Variants in IFI35 observed in about 807,000 individuals in gnomAD.
IFI35 encodes the protein interferon-induced 35 kDa protein.
A neutral mutation model predicts 28.6 loss-of-function variants in IFI35; 30 were observed. The ratio of observed to expected loss-of-function variants is 1.05; its 90% CI spans 0.79 to 1.43. The LOEUF (loss-of-function observed/expected upper bound fraction) is 1.43. IFI35 is among the 40% of genes most tolerant of loss of function. IFI35 has a pLI of 0.00. For synonymous variants in IFI35, 146 were observed against 154.8 expected, an observed-to-expected ratio of 0.94 and a Z score of 0.42; for missense variants, 372 against 356.9, an observed-to-expected ratio of 1.04 and a Z score of -0.34.
chr17:43,011,043 G>A (rs995042108), intron 1 of IFI35, among the ~76,000 whole-genome samples: 1 of 152,196 alleles, frequency 6.6e-6, no homozygotes, highest in Non-Finnish European at 1.5e-5. Context: ...TTGGTGTACA[G>A]TGGAAAGTGT....
In IFI35 at chr17:43,013,550, G is replaced by C. The variant is rs968901082; in HGVS notation, c.450G>C (p.Glu150Asp). The C allele has an allele frequency of 1.9e-6, 3 of 1,614,184 alleles. No individual in the cohort carries two copies. Among genetic ancestry groups the C allele is most frequent in the Non-Finnish European group, 1.7e-6 (2 of 1,180,020 alleles). ...FPASLRLSEE[E>D]LLDKLEIFFG... ...CCAGCCTCAGGCTGAGTGAGGAGGA[G>C]CTGCTGGACAAGCTAGAGATCTTCT... The change falls in exon 5 of 7, where the codon GAG (glutamate) becomes GAC (aspartate). Residue 150 changes from glutamate to aspartate, a missense_variant. Glu to Asp is a conservative substitution (Grantham distance 45). Transcript: ENST00000415816.
At chr17:43,007,847 T>TTATATA (rs68028192) in intron 1 of IFI35, among the ~76,000 whole-genome samples, 1,927 of 118,990 alleles carry the variant, frequency 0.016, 101 homozygotes, top group African/African-American at 0.06. Context: ...CACACAAAAT[T>TTATATA]TATATATATA....
intron 1 of IFI35, among the ~76,000 whole-genome samples, chr17:43,011,127 G>A (rs1273159055): frequency 6.6e-6 from 1 of 152,178 alleles, no homozygotes; most frequent in Non-Finnish European, 1.5e-5. Flanking sequence ...TCACTGTAAA[G>A]CACAGGTTAG....
chr17:43,013,756 C>A lies in IFI35; in HGVS notation c.563-20C>A. 6.2e-7 allele frequency: 1 copy of A among 1,610,196 alleles called. No homozygotes were observed. The highest frequency in any genetic ancestry group is 1.1e-5 in the South Asian group (1 of 91,026). ...GAGAGGGCTTGATGCTAAAGGCCCA[C>A]CCCTCCTTGCTCCCCACAGTGGCTC... On this transcript the variant is annotated intron_variant, in intron 5 of 6. Transcript: ENST00000415816.
In IFI35 at chr17:43,012,161, T is replaced by C. The variant is rs1284507335; in HGVS notation, c.22-18T>C. ...GAAGGGCGGGTAGAAGTCTTGTTGTTTCCTTCTGCCCCAACAGGCCCTCCA... is the reference window on the plus strand; with the variant it reads ...GAAGGGCGGGTAGAAGTCTTGTTGTCTCCTTCTGCCCCAACAGGCCCTCCA... On this transcript the variant is annotated intron_variant, in intron 1 of 6. Transcript: ENST00000415816. 2.0e-6 allele frequency: 3 copies of C among 1,529,824 alleles called. No individual in the cohort carries two copies. The allele number at this position is 1,529,824 out of a possible 1,614,324, so 94.8% of individuals were successfully genotyped here. A position where few individuals can be genotyped will look rare whatever the true frequency, so the allele number is the denominator to read the frequency against.
intron 1 of IFI35, among the ~76,000 whole-genome samples, chr17:43,010,354 T>C (rs570824621): frequency 4.8e-4 from 73 of 151,394 alleles, no homozygotes; most frequent in Non-Finnish European, 9.6e-4. Flanking sequence ...AATGGAGCAA[T>C]TGCACTCCAG....
chr17:43,007,872 T>TATATATATATATATATATATAC lies in IFI35; in HGVS notation c.21+905_21+906insTATATATATATATATATATACA, dbSNP rs1491453151. Among the ~76,000 whole-genome samples the TATATATATATATATATATATAC allele has an allele frequency of 1.2e-3, 166 of 136,492 alleles. 3 individuals carry two copies. The highest frequency in any genetic ancestry group is 4.2e-3 in the African/African-American group (156 of 36,706). 89.5% of individuals were successfully genotyped at this position (136,492 alleles called of 152,430 possible). On this transcript the variant is annotated intron_variant, in intron 1 of 6. Coordinates refer to ENST00000415816, the MANE Select transcript of IFI35 (RefSeq NM_001330230.2). ...TTATATATATATATATATATATATA[T>TATATATATATATATATATATAC]ACTATAAGAATTATACTTTAAGAAT...
chr17:43,006,940 C>G lies in IFI35; in HGVS notation c.-8C>G, dbSNP rs568180576. ...AGCCTCAGCTCTTGCCAAACAGACC[C>G]GAGACCCATGTCAGCCCCACTGGAT... On this transcript the variant is annotated 5_prime_UTR_variant, in exon 1 of 7. Coordinates refer to ENST00000415816, the MANE Select transcript of IFI35 (RefSeq NM_001330230.2). 3 of 1,614,012 alleles carry G rather than the reference C, an allele frequency of 1.9e-6. No homozygotes were observed. Among genetic ancestry groups the G allele is most frequent in the South Asian group, 1.1e-5 (1 of 91,074 alleles).
In IFI35 at chr17:43,013,194, G is replaced by A; in HGVS notation, c.268G>A (p.Val90Met). Residue 90 changes from valine to methionine, a missense_variant and splice_region_variant, in exon 3 of 7, where the codon GTG becomes ATG. Coordinates refer to ENST00000415816, the MANE Select transcript of IFI35 (RefSeq NM_001330230.2). ...SALITFDDPK[V>M]AEQVLQQKEH... ...TCTGATCACCTTTGATGACCCCAAA[G>A]GTAAGCTCATGGGGAGCCTCAGGAG... is the stretch of plus-strand genomic sequence containing the variant. The A allele has an allele frequency of 6.2e-7, 1 of 1,614,080 alleles. No homozygotes were observed. Among genetic ancestry groups the A allele is most frequent in the Non-Finnish European group, 8.5e-7 (1 of 1,179,998 alleles).
In IFI35 at chr17:43,012,187, C is replaced by T. The variant is rs373816024; in HGVS notation, c.30C>T (p.His10=). MSAPLDAAL[H]ALQEEQARLK... ...TCCTTCTGCCCCAACAGGCCCTCCA[C>T]GCCCTTCAGGAGGAGCAGGCCAGAC... Residue 10 remains histidine (H), a synonymous_variant, in exon 2 of 7, where the codon CAC becomes CAT. Transcript: ENST00000415816. The T allele has an allele frequency of 3.2e-6, 5 of 1,566,388 alleles. No homozygotes were observed. Among genetic ancestry groups the T allele is most frequent in the East Asian group, 2.4e-5 (1 of 42,360 alleles).
intron 1 of IFI35, among the ~76,000 whole-genome samples, chr17:43,009,496 T>G (rs948248121): frequency 1.1e-4 from 16 of 152,102 alleles, no homozygotes; most frequent in Non-Finnish European, 2.1e-4. Flanking sequence ...GGCTCACTCC[T>G]GTAATCCCAG....
chr17:43,007,530 A>G (rs2050418765), intron 1 of IFI35, among the ~76,000 whole-genome samples: 1 of 150,368 alleles, frequency 6.7e-6, no homozygotes, highest in Non-Finnish European at 1.5e-5. Context: ...AAATTAAACT[A>G]AAGGAATTAG....
At chr17:43,008,472 C>T (rs1177082137) in intron 1 of IFI35, among the ~76,000 whole-genome samples, 1 of 150,380 alleles carries the variant, frequency 6.6e-6, no homozygotes, top group Non-Finnish European at 1.5e-5. Context: ...CCTCAGCATC[C>T]CAAGTAGCTG....
Position 43,013,094 on chromosome 17 carries a change from C to T in IFI35, c.168C>T (p.Thr56=), listed in dbSNP as rs1275042135. 8.1e-6 allele frequency: 13 copies of T among 1,613,942 alleles called. No individual in the cohort carries two copies. Among genetic ancestry groups the T allele is most frequent in the Non-Finnish European group, 1.0e-5 (12 of 1,180,026 alleles). Residue 56 remains threonine (T), a synonymous_variant, in exon 3 of 7, where the codon ACC becomes ACT. Coordinates refer to ENST00000415816, the MANE Select transcript of IFI35 (RefSeq NM_001330230.2). ...TCCCCCTGGTATTCCGAGGACACACCCAGCAGGACCCGGAAGTGCCTAAGT... is the reference window on the plus strand; with the variant it reads ...TCCCCCTGGTATTCCGAGGACACACTCAGCAGGACCCGGAAGTGCCTAAGT... The part of the protein sequence containing the change: ...PKIPLVFRGH[T]QQDPEVPKSL...
chr17:43,012,664 A>G (rs2050471715), intron 2 of IFI35: 1 of 241,010 alleles, frequency 4.1e-6, no homozygotes. Context: ...GAACCTGGGA[A>G]GTGGAGGTTG....
intron 1 of IFI35, 54 bp downstream of exon 1, chr17:43,007,022 C>T (rs1303502873): frequency 1.3e-6 from 2 of 1,585,790 alleles, no homozygotes; most frequent in African/African-American, 1.3e-5. Context: ...ATCCTCTTGG[C>T]TAGGAACCTG....
chr17:43,010,244 A>AAG (rs2050446084), intron 1 of IFI35, among the ~76,000 whole-genome samples: 1 of 63,382 alleles, frequency 1.6e-5, no homozygotes, highest in Non-Finnish European at 5.3e-5. Context: ...CAAAAAGAAG[A>AAG]AAAAAAAAAA....
intron 3 of IFI35, 21 bp downstream of exon 3, chr17:43,013,215 AGGAGGG>A: frequency 6.2e-7 from 1 of 1,614,098 alleles, no homozygotes; most frequent in Non-Finnish European, 8.5e-7. Flanking sequence ...GGGGAGCCTC[AGGAGGG>A]AGGTGGGGAG....
Position 43,013,998 on chromosome 17 carries a change from A to G in IFI35, c.670-110A>G, listed in dbSNP as rs1337408406. 3 of 1,299,936 alleles carry G rather than the reference A, an allele frequency of 2.3e-6. No individual in the cohort carries two copies. In the Admixed American group the frequency reaches 6.0e-5, roughly 26 times the overall value. 80.5% of individuals were successfully genotyped at this position (1,299,936 alleles called of 1,614,324 possible). A position where few individuals can be genotyped will look rare whatever the true frequency, so the allele number is the denominator to read the frequency against. ...CCCACTGACCTACCTACCCACCATCAGCCTCTCCAGGCCTCCCGACCTCAT... is the reference window on the plus strand; with the variant it reads ...CCCACTGACCTACCTACCCACCATCGGCCTCTCCAGGCCTCCCGACCTCAT... On this transcript the variant is annotated intron_variant, in intron 6 of 6. Coordinates refer to ENST00000415816, the MANE Select transcript of IFI35 (RefSeq NM_001330230.2).
Sources: gnomAD v4.1 joint callset for allele counts (sites outside exome capture counted in the v4.1 genomes callset) on GRCh38, gnomAD v4.1.1 for gene constraint, MANE v1.5 for transcripts, NCBI Gene and HGNC (gene_info 2026-07-23, HGNC 2026-07-21) for gene names.